Variants in RGS6 observed in about 807,000 individuals in gnomAD.
The protein encoded by RGS6 is regulator of G-protein signaling 6.
RGS6 carries 30 observed loss-of-function variants against 78.5 expected under a neutral mutation model. The ratio of observed to expected loss-of-function variants is 0.38; its 90% CI spans 0.29 to 0.52. RGS6 has a LOEUF of 0.52. RGS6 is among the 20% of genes least tolerant of loss of function. The pLI is 0.85. For missense variants in RGS6, 495 were observed against 609.7 expected (o/e 0.81, Z 1.98); for synonymous variants, 206 against 206.0 (o/e 1.00, Z 0.00).
At chr14:72,305,209 A>G (rs2066967684) in intron 2 of RGS6, among the ~76,000 whole-genome samples, 1 of 152,222 alleles carries the variant, frequency 6.6e-6, no homozygotes. Flanking sequence ...AAGTTGAAAT[A>G]TCACTTATCA....
At chr14:71,941,539 A>T (rs1370202051) in intron 1 of RGS6, among the ~76,000 whole-genome samples, 1 of 152,242 alleles carries the variant, frequency 6.6e-6, no homozygotes, top group Non-Finnish European at 1.5e-5. Flanking sequence ...AAGGTCCCAC[A>T]ATAGGCTATC....
chr14:72,541,437 C>T (rs773567597), intron 17 of RGS6: 41 of 1,531,212 alleles, frequency 2.7e-5, no homozygotes, highest in Non-Finnish European at 3.5e-5. Context: ...CCTCGGTCTT[C>T]CCTCTCTGTG....
Position 72,563,042 on chromosome 14 carries a change from A to G in RGS6, c.*575A>G, listed in dbSNP as rs1042843301. On this transcript the variant is annotated 3_prime_UTR_variant, in exon 18 of 18. Transcript: ENST00000553525. ...CTTTCACGTAAAATGTCCAAATCAC[A>G]TCTTCAGCAAGAAAGCAACCTCACG... 6.2e-6 allele frequency: 3 copies of G among 481,658 alleles called. No homozygotes were observed. In the South Asian group the frequency reaches 7.3e-5, roughly 12 times the overall value. 29.8% of individuals were successfully genotyped at this position (481,658 alleles called of 1,614,324 possible).
chr14:72,449,942 T>C (rs1163629416), intron 3 of RGS6, among the ~76,000 whole-genome samples: 2 of 152,214 alleles, frequency 1.3e-5, no homozygotes, highest in Non-Finnish European at 2.9e-5. Flanking sequence ...CCATACCATC[T>C]CCACTTTGGC....
chr14:72,528,894 C>T (rs1364629137), intron 15 of RGS6, among the ~76,000 whole-genome samples: 6 of 152,194 alleles, frequency 3.9e-5, no homozygotes, highest in Non-Finnish European at 8.8e-5. Flanking sequence ...CAAACCAGCA[C>T]CCCCATAAAT....
At chr14:72,082,801 T>C (rs1182016735) in intron 2 of RGS6, among the ~76,000 whole-genome samples, 1 of 152,196 alleles carries the variant, frequency 6.6e-6, no homozygotes, top group Non-Finnish European at 1.5e-5. Flanking sequence ...GAGTCCTGAA[T>C]GTCAATATTG....
At chr14:71,944,131 C>G (rs1055952743) in intron 1 of RGS6, among the ~76,000 whole-genome samples, 2 of 152,080 alleles carry the variant, frequency 1.3e-5, no homozygotes, top group Admixed American at 1.3e-4. Context: ...AGCACAAGAC[C>G]AATACACATA....
chr14:72,224,303 A>G (rs1209260564), intron 2 of RGS6, among the ~76,000 whole-genome samples: 1 of 152,116 alleles, frequency 6.6e-6, no homozygotes, highest in African/African-American at 2.4e-5. Context: ...ACCCAGTCTC[A>G]GCTACTCAAG....
At chr14:72,500,810 GC>G (rs368507476) in intron 13 of RGS6, among the ~76,000 whole-genome samples, 5 of 152,216 alleles carry the variant, frequency 3.3e-5, no homozygotes, top group African/African-American at 1.2e-4. Flanking sequence ...AGGGAGAGAA[GC>G]CAGAGGCCAA....
the RGS6 span, among the ~76,000 whole-genome samples, chr14:71,916,256 A>T: frequency 6.6e-6 from 1 of 152,170 alleles, no homozygotes; most frequent in Non-Finnish European, 1.5e-5. Context: ...AGATGGAAAG[A>T]GCTGAATCAA....
At chr14:71,986,487 G>A (rs186554177) in intron 2 of RGS6, among the ~76,000 whole-genome samples, 167 of 152,030 alleles carry the variant, frequency 1.1e-3, no homozygotes, top group African/African-American at 3.8e-3. Flanking sequence ...GATTGCTTGA[G>A]CTCAGGAGTT....
At chr14:72,354,894 A>G (rs2079924774) in intron 3 of RGS6, among the ~76,000 whole-genome samples, 1 of 152,104 alleles carries the variant, frequency 6.6e-6, no homozygotes, top group African/African-American at 2.4e-5. Context: ...TATATTATTC[A>G]TGTATAATAT....
chr14:72,402,443 T>A (rs1047197379), intron 3 of RGS6, among the ~76,000 whole-genome samples: 1 of 152,050 alleles, frequency 6.6e-6, no homozygotes, highest in African/African-American at 2.4e-5. Flanking sequence ...ACTGGGCAAA[T>A]GATCTAAACA....
At chr14:71,976,245 ATTTAT>A (rs955969587) in intron 2 of RGS6, among the ~76,000 whole-genome samples, 3 of 136,346 alleles carry the variant, frequency 2.2e-5, no homozygotes, top group Non-Finnish European at 3.2e-5. Flanking sequence ...TCTTCTGTTT[ATTTAT>A]TTTATTTTTT....
intron 3 of RGS6, among the ~76,000 whole-genome samples, chr14:72,418,339 G>GT (rs935546853): frequency 2.8e-4 from 43 of 152,136 alleles, no homozygotes; most frequent in African/African-American, 9.6e-4. Context: ...GCTAATTTTT[G>GT]TATTTTTAGT....
intron 3 of RGS6, among the ~76,000 whole-genome samples, chr14:72,354,209 T>C (rs1171489733): frequency 1.3e-5 from 2 of 152,084 alleles, no homozygotes; most frequent in Non-Finnish European, 2.9e-5. Context: ...AGAACAGAAA[T>C]TCATGTCTCA....
At chr14:72,307,737 C>T (rs1233017644) in intron 2 of RGS6, among the ~76,000 whole-genome samples, 1 of 152,074 alleles carries the variant, frequency 6.6e-6, no homozygotes, top group Admixed American at 6.5e-5. Context: ...TTAAAATCAT[C>T]TTGCCTATGA....
At chr14:72,341,516 C>CT (rs1169626770) in intron 2 of RGS6, among the ~76,000 whole-genome samples, 8 of 152,130 alleles carry the variant, frequency 5.3e-5, no homozygotes, top group Non-Finnish European at 8.8e-5. Context: ...TGAGCAGGGC[C>CT]TAGAAGCATG....
intron 2 of RGS6, among the ~76,000 whole-genome samples, chr14:72,143,513 T>C (rs1210284746): frequency 6.6e-6 from 1 of 152,240 alleles, no homozygotes; most frequent in Non-Finnish European, 1.5e-5. Context: ...CTTTTGCTGA[T>C]TGTGCTGGAA....
Sources: allele counts gnomAD v4.1 joint callset (sites outside exome capture counted in the v4.1 genomes callset), GRCh38; gene constraint gnomAD v4.1.1; transcripts MANE v1.5; gene names NCBI Gene and HGNC (gene_info 2026-07-23, HGNC 2026-07-21).